RECQL5: variants seen among roughly 807,000 people sequenced by gnomAD.
RECQL5 encodes RecQ like helicase 5, also known as ATP-dependent DNA helicase Q5.
Under a neutral mutation model 103.4 loss-of-function variants are expected in RECQL5, and 88 were observed. The observed-to-expected ratio is 0.85, with a 90% CI of 0.72 to 1.02. The LOEUF (loss-of-function observed/expected upper bound fraction) is 1.02, where lower values mean the gene tolerates loss of function less well. RECQL5 is among the 50% of genes least tolerant of loss of function. RECQL5 has a pLI of 0.00. For missense variants in RECQL5, 1,232 were observed against 1,284.3 expected, an observed-to-expected ratio of 0.96 and a Z score of 0.62; for synonymous variants, 552 against 507.9, an observed-to-expected ratio of 1.09 and a Z score of -1.17.
In RECQL5 at chr17:75,657,824, C is replaced by T. The variant is rs141274058; in HGVS notation, c.1149+474G>A. ...CAACACTTTGGGAGGCCGAGGCAGG[C>T]GGATCACGAGGTCATGAGATCGAGA... On this transcript the variant is annotated intron_variant, in intron 7 of 19. Transcript: ENST00000317905. Among the ~76,000 whole-genome samples the T allele has an allele frequency of 6.2e-3, 934 of 150,258 alleles. 6 individuals are homozygous for T. Among genetic ancestry groups the T allele is most frequent in the Non-Finnish European group, 9.5e-3 (643 of 67,782 alleles).
rs752474003 is a variant in RECQL5 at position 75,631,181 on chromosome 17, A to T, written c.1517T>A (p.Leu506His). Residue 506 changes from leucine to histidine, a missense_variant, in exon 10 of 20, where the codon CTC becomes CAC. Transcript: ENST00000317905. ...CAGCTGCATCTGCTTCTGATAGAAG[A>T]GGTTCCACTCCCGCTTGTGGGCCTC... is the stretch of plus-strand genomic sequence containing the variant. ...RDEAHKREWN[L>H]FYQKQMQLRK... 1.1e-5 allele frequency: 18 copies of T among 1,613,934 alleles called. No individual in the cohort carries two copies. In the South Asian group the frequency reaches 1.9e-4, roughly 17 times the overall value.
chr17:75,666,354 G>C, intron 2 of RECQL5, 74 bp downstream of exon 2: 1 of 1,533,892 alleles, frequency 6.5e-7, no homozygotes, highest in Non-Finnish European at 8.9e-7. Flanking sequence ...CGAAGGGTGA[G>C]GAGGAGGGTG....
intron 8 of RECQL5, chr17:75,633,491 C>T (rs751853175): frequency 2.3e-6 from 3 of 1,288,918 alleles, no homozygotes; most frequent in African/African-American, 1.5e-5. Context: ...TTGCCGGGCG[C>T]GCAGGCCACT....
intron 15 of RECQL5, 55 bp downstream of exon 15, chr17:75,629,653 G>A: frequency 6.4e-7 from 1 of 1,558,208 alleles, no homozygotes; most frequent in Non-Finnish European, 8.7e-7. Context: ...GAGGGCAGAG[G>A]GGAAGTGAAG....
At chr17:75,641,698 T>C (rs1374995513) in intron 8 of RECQL5, among the ~76,000 whole-genome samples, 2 of 152,220 alleles carry the variant, frequency 1.3e-5, no homozygotes, top group Admixed American at 6.5e-5. Flanking sequence ...AACAGCACTT[T>C]ACTCTGTCAA....
rs554948837 is a variant in RECQL5 at position 75,651,098 on chromosome 17, G to A, written c.1229+88C>T. Reference sequence around the variant, plus strand: ...GGTGTCCCTTGGTAGCCTACGGGCTGTCTTATGTCAGCTGCTTAACTAGGG... The same window carrying A: ...GGTGTCCCTTGGTAGCCTACGGGCTATCTTATGTCAGCTGCTTAACTAGGG... On this transcript the variant is annotated intron_variant, in intron 8 of 19. Coordinates refer to ENST00000317905, the MANE Select transcript of RECQL5 (RefSeq NM_004259.7). 16 of 1,611,020 alleles carry A rather than the reference G, an allele frequency of 9.9e-6. 1 individual carries two copies. The South Asian group carries it at 1.4e-4, about 14-fold the overall frequency.
rs758735210 is a variant in RECQL5 at position 75,631,671 on chromosome 17, G to T, written c.1230-3C>A. ...TGGCAATGGCGGCATGGCGGCACCT[G>T]GAGCAGGCAGCACCGCAGAGGTGAG... On this transcript the variant is annotated splice_polypyrimidine_tract_variant and splice_region_variant and intron_variant, in intron 8 of 19. Coordinates refer to ENST00000317905, the MANE Select transcript of RECQL5 (RefSeq NM_004259.7). 4 of 1,610,128 alleles carry T rather than the reference G, an allele frequency of 2.5e-6. No homozygotes were observed. The highest frequency in any genetic ancestry group is 3.4e-6 in the Non-Finnish European group (4 of 1,179,492).
Position 75,640,110 on chromosome 17 carries a change from T to C in RECQL5, c.1230-8442A>G. On this transcript the variant is annotated intron_variant, in intron 8 of 19. Coordinates refer to ENST00000317905, the MANE Select transcript of RECQL5 (RefSeq NM_004259.7). The surrounding 1 kb of genome is among the most constrained non-coding windows in gnomAD (Gnocchi z 4.6). ...GGGTGCGAGGGTGGAATCTCGGTGC[T>C]GCGACGAGTGTGGGGCCAGCCGTGG... The C allele has an allele frequency of 7.0e-7, 1 of 1,436,828 alleles. No homozygotes were observed. Among genetic ancestry groups the C allele is most frequent in the Non-Finnish European group, 9.1e-7 (1 of 1,096,210 alleles). The allele number at this position is 1,436,828 out of a possible 1,614,324, so 89.0% of individuals were successfully genotyped here.
intron 6 of RECQL5, among the ~76,000 whole-genome samples, chr17:75,658,669 G>T (rs73995958): frequency 1.3e-5 from 2 of 152,142 alleles, no homozygotes; most frequent in South Asian, 2.1e-4. Flanking sequence ...AGGAGTTAAG[G>T]GGGGGCAAAT....
At chr17:75,666,610 A>G (rs2059787351) in intron 1 of RECQL5, 39 bp from the exon 2 acceptor site, 3 of 1,587,716 alleles carry the variant, frequency 1.9e-6, no homozygotes, top group Non-Finnish European at 2.6e-6. Context: ...AAAGGTTGCC[A>G]CGAGAACCCT....
chr17:75,640,848 G>T lies in RECQL5; in HGVS notation c.1230-9180C>A. ...AGCTGCTGCTGCACTCACTGCTGCT[G>T]CCCTGAGCGGAGAGGCAGGAAGGTC... On this transcript the variant is annotated intron_variant, in intron 8 of 19. Transcript: ENST00000317905. The surrounding 1 kb of genome is among the most constrained non-coding windows in gnomAD (Gnocchi z 4.6). 1.3e-6 allele frequency: 2 copies of T among 1,549,238 alleles called. No homozygotes were observed. The highest frequency in any genetic ancestry group is 2.4e-5 in the South Asian group (2 of 84,062).
At chr17:75,664,417 C>T (rs906756313) in intron 3 of RECQL5, among the ~76,000 whole-genome samples, 8 of 152,250 alleles carry the variant, frequency 5.3e-5, no homozygotes, top group Middle Eastern at 6.8e-3. Context: ...CACGAGTGCA[C>T]GTGTGTGTAT....
At chr17:75,630,126 G>T in intron 14 of RECQL5, 58 bp downstream of exon 14, 1 of 1,393,966 alleles carries the variant, frequency 7.2e-7, no homozygotes. Flanking sequence ...GACAGCTTCT[G>T]CGTCAGAGTA....
At chr17:75,662,333 CAA>C (rs2059710539) in intron 4 of RECQL5, 144 bp downstream of exon 4, 1 of 930,424 alleles carries the variant, frequency 1.1e-6, no homozygotes, top group African/African-American at 1.6e-5. Context: ...GCCAGGAAAC[CAA>C]AGAGACAACT....
intron 16 of RECQL5, 24 bp downstream of exon 16, chr17:75,628,910 T>G: frequency 6.3e-7 from 1 of 1,581,792 alleles, no homozygotes; most frequent in Middle Eastern, 1.7e-4. Flanking sequence ...TTCCAGAAGA[T>G]TCTATGACTA....
chr17:75,665,142 GT>G lies in RECQL5; in HGVS notation c.160del (p.Thr54GlnfsTer22). 1.2e-6 allele frequency: 2 copies of G among 1,612,278 alleles called. No homozygotes were observed. The highest frequency in any genetic ancestry group is 1.7e-6 in the Non-Finnish European group (2 of 1,179,400). ...ATAGCATAGGGATTTTCCTGCCCCT[GT>G]GGGCATGCACACAAAGACGTCCTTG... ...GNKDVFVCMP[T>X]GAGKSLCYQL... On this transcript the variant is annotated frameshift_variant, in exon 3 of 20. Coordinates refer to ENST00000317905, the MANE Select transcript of RECQL5 (RefSeq NM_004259.7). LOFTEE classifies it high-confidence loss of function.
rs546743373 is a variant in RECQL5, at chr17:75,665,669, G to A, written c.131-497C>T. Among the ~76,000 whole-genome samples the A allele has an allele frequency of 7.1e-5, 10 of 140,404 alleles. 1 individual carries two copies. The South Asian group carries it at 8.8e-4, about 12-fold the overall frequency. 92.1% of individuals were successfully genotyped at this position (140,404 alleles called of 152,430 possible). A position where few individuals can be genotyped will look rare whatever the true frequency, so the allele number is the denominator to read the frequency against. ...CGCGCCACTGCACTCCAGTGTGGGC[G>A]ACAGAGCAAGACTCTGTTTCAAAAA... is the stretch of plus-strand genomic sequence containing the variant. On this transcript the variant is annotated intron_variant, in intron 2 of 19. Coordinates refer to ENST00000317905, the MANE Select transcript of RECQL5 (RefSeq NM_004259.7).
chr17:75,663,926 T>C (rs1163938877), intron 3 of RECQL5, among the ~76,000 whole-genome samples: 3 of 151,848 alleles, frequency 2.0e-5, no homozygotes, highest in Non-Finnish European at 2.9e-5. Context: ...TGGTGGCGCA[T>C]GCCTGTAATC....
intron 5 of RECQL5, among the ~76,000 whole-genome samples, chr17:75,661,300 A>T (rs568825514): frequency 2.2e-4 from 34 of 152,334 alleles, no homozygotes; most frequent in African/African-American, 7.9e-4. Context: ...GCCATGATTC[A>T]AGCCCAAGTC....
Sources: gnomAD v4.1 joint callset for allele counts (sites outside exome capture counted in the v4.1 genomes callset) on GRCh38, gnomAD v4.1.1 for gene constraint, Gnocchi (gnomAD v3.1) non-coding constraint, MANE v1.5 for transcripts, NCBI Gene and HGNC (gene_info 2026-07-23, HGNC 2026-07-21) for gene names.